Variants in C6orf62 observed in about 807,000 individuals in gnomAD.
The protein encoded by C6orf62 is chromosome 6 open reading frame 62, also known as uncharacterized protein C6orf62.
Under a neutral mutation model 26.8 loss-of-function variants are expected in C6orf62, and 16 were observed. That is an observed-to-expected ratio of 0.60 (90% CI 0.40 to 0.91). C6orf62 has a LOEUF of 0.91. C6orf62 is among the 40% of genes least tolerant of loss of function. The pLI is 0.00. For synonymous variants in C6orf62, 112 were observed against 91.5 expected (o/e 1.22, Z -1.28); for missense variants, 192 against 271.4 (o/e 0.71, Z 2.06).
rs531467841 is a variant in C6orf62 at position 24,718,254 on chromosome 6, A to C, written c.129+286T>G. Among the ~76,000 whole-genome samples, 8 of 152,308 alleles carry C rather than the reference A, an allele frequency of 5.3e-5. No homozygotes were observed. The South Asian group carries it at 1.7e-3, about 32-fold the overall frequency. The stretch of plus-strand genomic sequence containing the variant: ...TCATAAGGTTTCCCATGTTAACTCC[A>C]TATAAAATTTTGTAATCTTGCCCAC... On this transcript the variant is annotated intron_variant, in intron 1 of 4. Coordinates refer to ENST00000378119, the MANE Select transcript of C6orf62 (RefSeq NM_030939.5).
At chr6:24,709,477 G>A (rs982964308) in intron 3 of C6orf62, 11 of 961,974 alleles carry the variant, frequency 1.1e-5, no homozygotes, top group Admixed American at 6.6e-5. Flanking sequence ...TTACGTGACC[G>A]TATGCAAATC....
intron 2 of C6orf62, among the ~76,000 whole-genome samples, chr6:24,714,931 T>C (rs1459008276): frequency 6.6e-6 from 1 of 152,198 alleles, no homozygotes; most frequent in African/African-American, 2.4e-5. Context: ...ATTTTAATTT[T>C]TATCTTACAG....
At chr6:24,710,172 T>A in intron 3 of C6orf62, 1 of 981,110 alleles carries the variant, frequency 1.0e-6, no homozygotes, top group East Asian at 1.1e-4. Context: ...AGGGGCTTAT[T>A]ATACTGCTGA....
upstream of C6orf62, chr6:24,720,537 A>C: frequency 2.9e-5 from 9 of 309,220 alleles, no homozygotes; most frequent in Non-Finnish European, 3.4e-5. Context: ...AAAGAGAAAG[A>C]TGGGGAGTTG....
rs199572171 is a variant in C6orf62 at position 24,714,453 on chromosome 6, TA to T, written c.307-14del. 0.19 allele frequency: 253,105 copies of T among 1,320,494 alleles called. 12,244 individuals carry two copies. Among genetic ancestry groups the T allele is most frequent in the Non-Finnish European group, 0.21 (203,982 of 985,134 alleles). 81.8% of individuals were successfully genotyped at this position (1,320,494 alleles called of 1,614,324 possible). A position where few individuals can be genotyped will look rare whatever the true frequency, so the allele number is the denominator to read the frequency against. On this transcript the variant is annotated splice_polypyrimidine_tract_variant and intron_variant, in intron 2 of 4. Coordinates refer to ENST00000378119, the MANE Select transcript of C6orf62 (RefSeq NM_030939.5). Reference sequence around the variant, plus strand: ...AGCCAATTACATCCTATAAAATGATTAAAAAAAAAAAAGTTTACTTTTAAAG... The same window carrying T: ...AGCCAATTACATCCTATAAAATGATTAAAAAAAAAAAGTTTACTTTTAAAG...
chr6:24,711,655 ATAAG>A (rs1378246787), intron 3 of C6orf62, among the ~76,000 whole-genome samples: 4 of 152,038 alleles, frequency 2.6e-5, no homozygotes, highest in African/African-American at 9.7e-5. Context: ...AATTTTAAAA[ATAAG>A]TAAAGTGCTT....
chr6:24,719,109 A>C lies in C6orf62; in HGVS notation c.-441T>G. 1.0e-6 allele frequency: 1 copy of C among 990,096 alleles called. No homozygotes were observed. Among genetic ancestry groups the C allele is most frequent in the African/African-American group, 1.8e-5 (1 of 56,936 alleles). 61.3% of individuals were successfully genotyped at this position (990,096 alleles called of 1,614,324 possible). On this transcript the variant is annotated 5_prime_UTR_variant, in exon 1 of 5. Transcript: ENST00000378119. ...CATCCGGATTTTCCCCCCTTTTTAGAAAAGGGATTAAGGAACAGGGAGGGG... is the reference window on the plus strand; with the variant it reads ...CATCCGGATTTTCCCCCCTTTTTAGCAAAGGGATTAAGGAACAGGGAGGGG...
In C6orf62 at chr6:24,708,786, C is replaced by T. The variant is rs768349542; in HGVS notation, c.555G>A (p.Gln185=). ...CAAAAAAGCTGCTTACCTGCAAGTG[C>T]TGTCTGTCAATGAAGAGAAACACTG... ...NQSVFLFIDR[Q]HLQTPKNKAT... Residue 185 remains glutamine, a synonymous_variant, in exon 4 of 5, where the codon CAG becomes CAA. Coordinates refer to ENST00000378119, the MANE Select transcript of C6orf62 (RefSeq NM_030939.5). 4 of 1,614,194 alleles carry T rather than the reference C, an allele frequency of 2.5e-6. No homozygotes were observed. The highest frequency in any genetic ancestry group is 3.4e-6 in the Non-Finnish European group (4 of 1,180,036).
At chr6:24,709,394 T>C (rs1159660704) in intron 3 of C6orf62, 1 of 984,676 alleles carries the variant, frequency 1.0e-6, no homozygotes, top group South Asian at 4.7e-5. Flanking sequence ...AGGAGTCACA[T>C]TGTTAATTGC....
chr6:24,719,870 G>C (rs1224810104), upstream of C6orf62: 1 of 1,548,918 alleles, frequency 6.5e-7, no homozygotes, highest in Non-Finnish European at 8.7e-7. Context: ...TCGCACCACG[G>C]GAGACACAGG....
Position 24,705,062 on chromosome 6 carries a change from AT to A in C6orf62, c.*1074del, listed in dbSNP as rs1297298230. 1 of 130,150 alleles carries A rather than the reference AT, an allele frequency of 7.7e-6. No individual in the cohort carries two copies. Among genetic ancestry groups the A allele is most frequent in the Non-Finnish European group, 1.6e-5 (1 of 60,800 alleles). The allele number at this position is 130,150 out of a possible 1,614,324, so 8.1% of individuals were successfully genotyped here. A position where few individuals can be genotyped will look rare whatever the true frequency, so the allele number is the denominator to read the frequency against. On this transcript the variant is annotated 3_prime_UTR_variant, in exon 5 of 5. Coordinates refer to ENST00000378119, the MANE Select transcript of C6orf62 (RefSeq NM_030939.5). ...CAACCCTTAAGCAAAGCTTTTCTTC[AT>A]TTAAAAGGAGAAAAAAAAAAAAACC...
chr6:24,712,690 C>CAAAA (rs10574302), intron 3 of C6orf62, among the ~76,000 whole-genome samples: 54 of 100,674 alleles, frequency 5.4e-4, no homozygotes, highest in African/African-American at 2.0e-3. Context: ...GACTCTGTCT[C>CAAAA]AAAAAAAAAA....
chr6:24,716,058 C>T (rs1779222918), intron 2 of C6orf62, 90 bp downstream of exon 2: 3 of 958,334 alleles, frequency 3.1e-6, no homozygotes, highest in South Asian at 1.5e-5. Context: ...ACTATCATAA[C>T]TATCCACTTT....
chr6:24,714,165 T>C (rs1026137077), intron 3 of C6orf62, among the ~76,000 whole-genome samples, 153 bp downstream of exon 3: 5 of 152,200 alleles, frequency 3.3e-5, no homozygotes, highest in Non-Finnish European at 5.9e-5. Context: ...TCCAAACGCT[T>C]TCTTCTCTTG....
At position 24,706,071 on chromosome 6, in the gene C6orf62, G is replaced by A; in HGVS notation, c.*66C>T. 6.3e-7 allele frequency: 1 copy of A among 1,587,252 alleles called. No individual in the cohort carries two copies. The highest frequency in any genetic ancestry group is 8.6e-7 in the Non-Finnish European group (1 of 1,164,064). Reference sequence around the variant, plus strand: ...CTTTAAACTCTGAAAGAATAAAGTGGTAAGAAAACAAGAAAAAAAACTGCT... The same window carrying A: ...CTTTAAACTCTGAAAGAATAAAGTGATAAGAAAACAAGAAAAAAAACTGCT... On this transcript the variant is annotated 3_prime_UTR_variant, in exon 5 of 5. Transcript: ENST00000378119.
chr6:24,720,259 G>C, upstream of C6orf62: 7 of 1,298,142 alleles, frequency 5.4e-6, no homozygotes, highest in Non-Finnish European at 6.8e-6. Context: ...CGCAGCCTGC[G>C]GGCGGAGCGG....
intron 3 of C6orf62, chr6:24,710,083 AATT>A (rs1178021207): frequency 2.0e-6 from 2 of 982,782 alleles, no homozygotes; most frequent in African/African-American, 3.5e-5. Flanking sequence ...TCAAATATTA[AATT>A]ATTAGTATGA....
Position 24,706,147 on chromosome 6 carries a change from A to G in C6orf62, c.680T>C (p.Met227Thr), listed in dbSNP as rs746759888. 6 of 1,614,206 alleles carry G rather than the reference A, an allele frequency of 3.7e-6. No individual in the cohort carries two copies. The highest frequency in any genetic ancestry group is 1.1e-5 in the South Asian group (1 of 91,088). The change falls in exon 5 of 5, where the codon ATG becomes ACG. Residue 227 changes from methionine (M) to threonine (T), a missense_variant. Coordinates refer to ENST00000378119, the MANE Select transcript of C6orf62 (RefSeq NM_030939.5). ...GTIEDHLRPY[M>T]PE ...TTGCTGGTCAGTACTCTACTCTGGCATATAAGGACGGAGGTGATCCTCTAT... is the reference window on the plus strand; with the variant it reads ...TTGCTGGTCAGTACTCTACTCTGGCGTATAAGGACGGAGGTGATCCTCTAT...
upstream of C6orf62, chr6:24,720,033 A>T (rs927971253): frequency 2.0e-4 from 82 of 414,456 alleles, no homozygotes; most frequent in Non-Finnish European, 3.1e-4. Context: ...CCTCCCCCCA[A>T]AAAATTAAGT....
Sources: allele counts gnomAD v4.1 joint callset (sites outside exome capture counted in the v4.1 genomes callset), GRCh38; gene constraint gnomAD v4.1.1; transcripts MANE v1.5; gene names NCBI Gene and HGNC (gene_info 2026-07-23, HGNC 2026-07-21).